TMED2: variants seen among roughly 807,000 people sequenced by gnomAD.
TMED2 encodes the protein transmembrane emp24 domain-containing protein 2.
Under a neutral mutation model 17.5 loss-of-function variants are expected in TMED2, and 3 were observed. That is an observed-to-expected ratio of 0.17 (90% CI 0.08 to 0.44). The LOEUF is 0.44. Ranked by LOEUF, TMED2 falls within the 20% of genes least tolerant of loss-of-function variation. TMED2 has a pLI of 0.99. For synonymous variants in TMED2, 95 were observed against 91.0 expected (o/e 1.04, Z -0.25); for missense variants, 149 against 254.8 (o/e 0.58, Z 2.83).
intron 3 of TMED2, among the ~76,000 whole-genome samples, chr12:123,595,240 T>C (rs768724287): frequency 3.9e-5 from 6 of 152,084 alleles, no homozygotes; most frequent in Non-Finnish European, 7.4e-5. Flanking sequence ...AAAAAGTAAG[T>C]AAATAAAAAG....
chr12:123,590,713 G>C (rs1953386174), intron 3 of TMED2, among the ~76,000 whole-genome samples: 1 of 152,176 alleles, frequency 6.6e-6, no homozygotes, highest in African/African-American at 2.4e-5. Context: ...GCCGGGCATG[G>C]TGGCTCACGC....
chr12:123,592,498 G>A (rs1387168292), intron 3 of TMED2, among the ~76,000 whole-genome samples: 1 of 152,214 alleles, frequency 6.6e-6, no homozygotes, highest in East Asian at 1.9e-4. Flanking sequence ...TTTGAGTGGA[G>A]ATACTCCTGT....
In TMED2 at chr12:123,598,370, T is replaced by C. The variant is rs535477134; in HGVS notation, c.*1641T>C. 1 of 152,220 alleles carries C rather than the reference T, an allele frequency of 6.6e-6. No homozygotes were observed. Among genetic ancestry groups the C allele is most frequent in the Non-Finnish European group, 1.5e-5 (1 of 68,040 alleles). The allele number at this position is 152,220 out of a possible 1,614,324, so 9.4% of individuals were successfully genotyped here. ...GATCAGTGCTAAAATCTTAAGTATT[T>C]TTCTATTTGGGAAAAAAGGGTTGAA... On this transcript the variant is annotated 3_prime_UTR_variant, in exon 4 of 4. Coordinates refer to ENST00000262225, the MANE Select transcript of TMED2 (RefSeq NM_006815.4).
Position 123,584,589 on chromosome 12 carries a change from G to A in TMED2, c.-48G>A, listed in dbSNP as rs536717436. 14 of 1,457,560 alleles carry A rather than the reference G, an allele frequency of 9.6e-6. No homozygotes were observed. The Admixed American group carries it at 1.7e-4, about 18-fold the overall frequency. The allele number at this position is 1,457,560 out of a possible 1,614,324, so 90.3% of individuals were successfully genotyped here. On this transcript the variant is annotated 5_prime_UTR_variant, in exon 1 of 4. Transcript: ENST00000262225. Reference sequence around the variant, plus strand: ...GGGCGGCGGCGGCGGCGGCGGCGGCGGCTGTGGAGGCCGCAGTCCGGGTCC... The same window carrying A: ...GGGCGGCGGCGGCGGCGGCGGCGGCAGCTGTGGAGGCCGCAGTCCGGGTCC...
Position 123,596,879 on chromosome 12 carries a change from C to T in TMED2, c.*150C>T, listed in dbSNP as rs1332120736. On this transcript the variant is annotated 3_prime_UTR_variant, in exon 4 of 4. Transcript: ENST00000262225. ...AGATTAATAGATATTGGGGGAAAAA[C>T]GCCTTTTTAGGAAAATTATAGTGAA... The T allele has an allele frequency of 9.9e-6, 10 of 1,011,242 alleles. No individual in the cohort carries two copies. The highest frequency in any genetic ancestry group is 7.6e-5 in the Admixed American group (2 of 26,290). The allele number at this position is 1,011,242 out of a possible 1,614,324, so 62.6% of individuals were successfully genotyped here.
At chr12:123,596,532 A>G (rs1454622155) in intron 3 of TMED2, 73 bp from the exon 4 acceptor site, 1 of 1,530,724 alleles carries the variant, frequency 6.5e-7, no homozygotes, top group Non-Finnish European at 8.8e-7. Context: ...AGTGAAGACT[A>G]AAATATTTAT....
At chr12:123,587,035 A>G (rs186445137) in intron 2 of TMED2, 96 bp downstream of exon 2, 1 of 1,169,754 alleles carries the variant, frequency 8.5e-7, no homozygotes, top group Non-Finnish European at 1.1e-6. Context: ...TATTTTTTTT[A>G]AATTTCTTAA....
chr12:123,594,706 G>C (rs1953418046), intron 3 of TMED2, among the ~76,000 whole-genome samples: 1 of 150,668 alleles, frequency 6.6e-6, no homozygotes, highest in Admixed American at 6.6e-5. Context: ...TGACTAACAT[G>C]GAGAAACCGC....
At chr12:123,588,771 A>G (rs1003543379) in intron 2 of TMED2, among the ~76,000 whole-genome samples, 2 of 152,294 alleles carry the variant, frequency 1.3e-5, no homozygotes, top group African/African-American at 2.4e-5. Flanking sequence ...TAAATACCCT[A>G]TAGTGCATCA....
At chr12:123,587,655 C>G in intron 2 of TMED2, 2 of 1,269,730 alleles carry the variant, frequency 1.6e-6, no homozygotes, top group Non-Finnish European at 2.0e-6. Context: ...TTTTTGACAG[C>G]ATCCTTTTTG....
At chr12:123,596,559 T>TG in intron 3 of TMED2, 46 bp from the exon 4 acceptor site, 1 of 1,573,462 alleles carries the variant, frequency 6.4e-7, no homozygotes, top group Non-Finnish European at 8.6e-7. Flanking sequence ...TATGTCTTTT[T>TG]GGGGGAGAAT....
intron 3 of TMED2, among the ~76,000 whole-genome samples, chr12:123,594,500 G>A (rs187682308): frequency 6.6e-6 from 1 of 152,272 alleles, no homozygotes; most frequent in East Asian, 1.9e-4. Context: ...GCTTGTGCCT[G>A]TAGTCTTAGC....
intron 1 of TMED2, chr12:123,585,090 G>T: frequency 2.4e-6 from 1 of 411,798 alleles, no homozygotes; most frequent in Non-Finnish European, 4.5e-6. Context: ...ACGGGTTCCT[G>T]TTGGAACCTC....
At chr12:123,587,250 G>A (rs1193997125) in intron 2 of TMED2, among the ~76,000 whole-genome samples, 7 of 152,132 alleles carry the variant, frequency 4.6e-5, no homozygotes, top group South Asian at 2.1e-4. Context: ...GGGTTCAAGC[G>A]ATTCTCCCAA....
chr12:123,587,687 C>T (rs769340273), intron 2 of TMED2: 16 of 1,234,400 alleles, frequency 1.3e-5, no homozygotes, highest in Non-Finnish European at 9.3e-6. Context: ...TTGCTAATGT[C>T]TAATTTCTGC....
At chr12:123,590,496 G>C (rs771572908) in intron 3 of TMED2, 47 bp downstream of exon 3, 4 of 1,452,384 alleles carry the variant, frequency 2.8e-6, no homozygotes, top group Non-Finnish European at 3.7e-6. Flanking sequence ...GGTGAAGGTT[G>C]TTTTACTCAA....
chr12:123,591,132 T>G (rs764248194), intron 3 of TMED2, among the ~76,000 whole-genome samples: 25 of 152,148 alleles, frequency 1.6e-4, no homozygotes, highest in Admixed American at 7.9e-4. Context: ...TATGTACCAG[T>G]GGGATTAATA....
At chr12:123,586,396 G>GC (rs1953346137) in intron 1 of TMED2, 2 of 155,288 alleles carry the variant, frequency 1.3e-5, no homozygotes, top group Admixed American at 1.3e-4. Context: ...TGTCGCCCAG[G>GC]CTGGAGTGCA....
rs1391791732 is a variant in TMED2 at position 123,597,833 on chromosome 12, A to ATTAG, written c.*1108_*1111dup. ...CAGGATTATGTTGTGACTGATACATATTAGTTACTTGTGCTTTTTTTTTTT... is the reference window on the plus strand; with the variant it reads ...CAGGATTATGTTGTGACTGATACATATTAGTTAGTTACTTGTGCTTTTTTTTTTT... On this transcript the variant is annotated 3_prime_UTR_variant, in exon 4 of 4. Coordinates refer to ENST00000262225, the MANE Select transcript of TMED2 (RefSeq NM_006815.4). 7.0e-6 allele frequency: 1 copy of ATTAG among 143,506 alleles called. No individual in the cohort carries two copies. The highest frequency in any genetic ancestry group is 7.3e-5 in the Admixed American group (1 of 13,704). The allele number at this position is 143,506 out of a possible 1,614,324, so 8.9% of individuals were successfully genotyped here. A position where few individuals can be genotyped will look rare whatever the true frequency, so the allele number is the denominator to read the frequency against.
Sources: gnomAD v4.1 joint callset for allele counts (sites outside exome capture counted in the v4.1 genomes callset) on GRCh38, gnomAD v4.1.1 for gene constraint, MANE v1.5 for transcripts, NCBI Gene and HGNC (gene_info 2026-07-23, HGNC 2026-07-21) for gene names.